The following RMDN2 variants were observed in gnomAD, a reference collection of about 807,000 sequenced individuals.
The protein encoded by RMDN2 is regulator of microtubule dynamics 2, also known as regulator of microtubule dynamics protein 2.
Under a neutral mutation model 52.8 loss-of-function variants are expected in RMDN2, and 61 were observed. That is an observed-to-expected ratio of 1.16 (90% confidence interval 0.94 to 1.43). The LOEUF is 1.43. Among genes scored for constraint, RMDN2 ranks in the 40% most tolerant of loss-of-function variants. RMDN2 has a pLI of 0.00. For missense variants in RMDN2, 592 were observed against 475.3 expected (o/e 1.25, Z -2.28); for synonymous variants, 180 against 153.1 (o/e 1.18, Z -1.30).
intron 10 of RMDN2, among the ~76,000 whole-genome samples, chr2:38,063,595 T>C (rs527531129): frequency 6.6e-6 from 1 of 152,166 alleles, no homozygotes; most frequent in African/African-American, 2.4e-5. Context: ...CAAAAGAAAC[T>C]ACCATCAGAG....
chr2:37,951,735 C>T (rs1668827345), intron 2 of RMDN2: 2 of 1,612,544 alleles, frequency 1.2e-6, no homozygotes, highest in African/African-American at 1.3e-5. Context: ...TGCTAAAAAA[C>T]ATATAACCAT....
chr2:38,032,824 G>A (rs893126836), intron 10 of RMDN2: 2 of 152,076 alleles, frequency 1.3e-5, no homozygotes, highest in Non-Finnish European at 2.9e-5. Flanking sequence ...GGGCAACAGA[G>A]CGAGAGTCCG....
chr2:37,948,316 A>T (rs1306029594), intron 2 of RMDN2, among the ~76,000 whole-genome samples: 2 of 152,216 alleles, frequency 1.3e-5, no homozygotes, highest in Non-Finnish European at 2.9e-5. Flanking sequence ...AGCAATCATG[A>T]TGAAATTTTT....
chr2:38,062,964 T>C (rs1682119045), intron 10 of RMDN2, among the ~76,000 whole-genome samples: 1 of 152,198 alleles, frequency 6.6e-6, no homozygotes, highest in Non-Finnish European at 1.5e-5. Context: ...TTTTTATGGT[T>C]GCATAGTATT....
intron 8 of RMDN2, 36 bp downstream of exon 8, chr2:37,997,550 T>A: frequency 7.7e-7 from 1 of 1,306,388 alleles, no homozygotes; most frequent in Non-Finnish European, 1.1e-6. Flanking sequence ...AGTGTCAGAC[T>A]GATTACCATC....
chr2:37,937,439 C>A (rs1234081612), intron 2 of RMDN2, among the ~76,000 whole-genome samples: 1 of 152,118 alleles, frequency 6.6e-6, no homozygotes, highest in Non-Finnish European at 1.5e-5. Context: ...TGAAGAAAGT[C>A]AATGGTAGCT....
At chr2:37,922,442 A>G (rs1282472057), upstream of RMDN2, among the ~76,000 whole-genome samples, 1 of 151,330 alleles carries the variant, frequency 6.6e-6, no homozygotes, top group Non-Finnish European at 1.5e-5. Flanking sequence ...AAAAATTGAC[A>G]CTCCCATCTC....
At chr2:38,037,359 C>T (rs1333771890) in intron 10 of RMDN2, among the ~76,000 whole-genome samples, 2 of 152,218 alleles carry the variant, frequency 1.3e-5, no homozygotes, top group African/African-American at 4.8e-5. Context: ...TCCTCATACC[C>T]TGGCCACACC....
chr2:37,929,710 G>A lies in RMDN2; in HGVS notation c.433G>A (p.Glu145Lys). 6.6e-7 allele frequency: 1 copy of A among 1,510,848 alleles called. No homozygotes were observed. Among genetic ancestry groups the A allele is most frequent in the South Asian group, 1.3e-5 (1 of 76,612 alleles). The allele number at this position is 1,510,848 out of a possible 1,614,324, so 93.6% of individuals were successfully genotyped here. ...TTCAGCAACAAGTAATAGTTCAGAG[G>A]AAGCAGAAAGTGAAGGAGGGTAAGT... ...QSSATSNSSE[E>K]AESEGGYITA... The change falls in exon 2 of 11, where the codon GAA (glutamate) becomes AAA (lysine). Residue 145 changes from glutamate to lysine, a missense_variant. Coordinates refer to ENST00000354545, the MANE Select transcript of RMDN2 (RefSeq NM_001170791.3).
intron 2 of RMDN2, among the ~76,000 whole-genome samples, chr2:37,964,190 C>T (rs1305235140): frequency 9.2e-5 from 14 of 151,682 alleles, no homozygotes; most frequent in Admixed American, 2.6e-4. Context: ...GGGCAGCTGC[C>T]GGGCGGAGGG....
intron 2 of RMDN2, among the ~76,000 whole-genome samples, chr2:37,941,944 A>G (rs1667827396): frequency 1.9e-4 from 1 of 5,306 alleles, no homozygotes; most frequent in Admixed American, 9.4e-3. Flanking sequence ...TGGGGTACCA[A>G]AAAAAAAAAA....
intron 2 of RMDN2, among the ~76,000 whole-genome samples, chr2:37,932,486 T>C (rs1666851244): frequency 6.7e-6 from 1 of 150,250 alleles, no homozygotes; most frequent in African/African-American, 2.4e-5. Flanking sequence ...ACGGCAACCA[T>C]CCGATTTCTC....
intron 2 of RMDN2, chr2:37,953,153 T>TA (rs914477946): frequency 2.0e-5 from 3 of 151,976 alleles, no homozygotes; most frequent in African/African-American, 7.2e-5. Context: ...CATGTGTCTT[T>TA]AAAAAATGGC....
intron 10 of RMDN2, among the ~76,000 whole-genome samples, chr2:38,051,915 C>A (rs372602594): frequency 3.3e-5 from 5 of 151,980 alleles, no homozygotes; most frequent in African/African-American, 1.2e-4. Flanking sequence ...TAAATCCATT[C>A]GTCTGTTGAT....
chr2:37,983,253 G>A (rs1673568627), intron 5 of RMDN2, among the ~76,000 whole-genome samples: 1 of 152,128 alleles, frequency 6.6e-6, no homozygotes, highest in Non-Finnish European at 1.5e-5. Context: ...TTTTCATAGA[G>A]GAGCAATGTT....
At chr2:37,948,690 A>G (rs187375258) in intron 2 of RMDN2, among the ~76,000 whole-genome samples, 11 of 152,284 alleles carry the variant, frequency 7.2e-5, no homozygotes, top group Admixed American at 5.9e-4. Flanking sequence ...CAGCTTCTAG[A>G]TATTTCCTGT....
chr2:37,940,289 A>T (rs1667674553), intron 2 of RMDN2, among the ~76,000 whole-genome samples: 1 of 152,052 alleles, frequency 6.6e-6, no homozygotes, highest in South Asian at 2.1e-4. Context: ...GGGTAACTCG[A>T]CCTTTCTCTC....
intron 2 of RMDN2, among the ~76,000 whole-genome samples, chr2:37,931,317 A>C (rs575083958): frequency 9.8e-5 from 15 of 152,348 alleles, no homozygotes; most frequent in Admixed American, 3.3e-4. Context: ...TTAGTACTCT[A>C]ATAATGACAA....
At chr2:37,983,420 C>T (rs1673589340) in intron 5 of RMDN2, among the ~76,000 whole-genome samples, 1 of 152,050 alleles carries the variant, frequency 6.6e-6, no homozygotes, top group African/African-American at 2.4e-5. Context: ...AACTAAATGC[C>T]TTGTCTTGTT....
Sources: allele counts gnomAD v4.1 joint callset (sites outside exome capture counted in the v4.1 genomes callset), GRCh38; gene constraint gnomAD v4.1.1; transcripts MANE v1.5; gene names NCBI Gene and HGNC (gene_info 2026-07-23, HGNC 2026-07-21).